PUM1: variants seen among roughly 807,000 people sequenced by gnomAD.
PUM1 encodes pumilio RNA binding family member 1, also known as pumilio homolog 1.
A neutral mutation model predicts 131.8 loss-of-function variants in PUM1; 13 were observed. The ratio of observed to expected loss-of-function variants is 0.10; its 90% CI spans 0.06 to 0.16. PUM1 has a LOEUF of 0.16. Among genes scored for constraint, PUM1 ranks in the 10% least tolerant of loss-of-function variants. PUM1 has a pLI of 1.00. For missense variants in PUM1, 961 were observed against 1,512.4 expected, an observed-to-expected ratio of 0.64 and a Z score of 6.05; for synonymous variants, 509 against 556.5, an observed-to-expected ratio of 0.91 and a Z score of 1.20.
intron 17 of PUM1, 59 bp downstream of exon 17, chr1:30,950,068 A>C: frequency 6.5e-7 from 1 of 1,544,556 alleles, no homozygotes; most frequent in Non-Finnish European, 8.8e-7. Flanking sequence ...TACAGGGTTC[A>C]CTACATGTAC....
At chr1:31,034,230 G>A (rs866539700) in intron 2 of PUM1, among the ~76,000 whole-genome samples, 5 of 152,178 alleles carry the variant, frequency 3.3e-5, no homozygotes, top group South Asian at 2.1e-4. Context: ...TCTTTACAAT[G>A]AACGTCCCTT....
chr1:31,023,996 A>T (rs1463041846), intron 3 of PUM1, among the ~76,000 whole-genome samples: 1 of 152,080 alleles, frequency 6.6e-6, no homozygotes, highest in Non-Finnish European at 1.5e-5. Flanking sequence ...AGTCAATCTA[A>T]AAGGATATCT....
intron 2 of PUM1, among the ~76,000 whole-genome samples, chr1:31,041,941 C>T (rs1643831085): frequency 6.6e-6 from 1 of 151,934 alleles, no homozygotes; most frequent in South Asian, 2.1e-4. Flanking sequence ...AATATTAGAA[C>T]ACTTCCAGGA....
chr1:31,039,839 C>CA (rs1414577464), intron 2 of PUM1, among the ~76,000 whole-genome samples: 7 of 151,962 alleles, frequency 4.6e-5, no homozygotes, highest in African/African-American at 1.7e-4. Flanking sequence ...GCAGAGGCTG[C>CA]AGTGAGACAG....
At chr1:31,035,196 A>AGCCCAGGCTGGTT (rs1197456476) in intron 2 of PUM1, among the ~76,000 whole-genome samples, 1 of 152,128 alleles carries the variant, frequency 6.6e-6, no homozygotes, top group Non-Finnish European at 1.5e-5. Flanking sequence ...GCCTGCGACC[A>AGCCCAGGCTGGTT]GCCTGGGCAA....
chr1:30,979,005 G>C (rs1433954471), intron 9 of PUM1, among the ~76,000 whole-genome samples: 1 of 151,896 alleles, frequency 6.6e-6, no homozygotes. Context: ...TCAGGAGGCT[G>C]ACGCAGGAGA....
At chr1:30,942,197 A>T (rs1226720553) in intron 18 of PUM1, 74 bp from the exon 19 acceptor site, 4 of 23,650 alleles carry the variant, frequency 1.7e-4, no homozygotes, top group Non-Finnish European at 2.2e-4. Flanking sequence ...TTGTTTATAT[A>T]TATATATATA....
In PUM1 at chr1:30,987,664, G is replaced by C. The variant is rs111490269; in HGVS notation, c.1158+4726C>G. ...ATTAAGAAGACAATGAAGTGAATTT[G>C]AGACAAAGGAAGAACATTTTAGAAA... On this transcript the variant is annotated intron_variant, in intron 7 of 21. Transcript: ENST00000426105. Among the ~76,000 whole-genome samples the C allele has an allele frequency of 7.5e-3, 1,139 of 152,316 alleles. 9 individuals carry two copies. The highest frequency in any genetic ancestry group is 0.011 in the Non-Finnish European group (766 of 68,026).
intron 2 of PUM1, among the ~76,000 whole-genome samples, chr1:31,046,370 G>A (rs964374608): frequency 1.3e-5 from 2 of 152,098 alleles, no homozygotes; most frequent in Admixed American, 1.3e-4. Context: ...TGGGCAACAA[G>A]AGTGAAACTC....
intron 17 of PUM1, among the ~76,000 whole-genome samples, chr1:30,947,205 A>AT (rs1354770811): frequency 1.3e-5 from 2 of 152,230 alleles, no homozygotes; most frequent in Non-Finnish European, 2.9e-5. Flanking sequence ...GTAAACCACT[A>AT]TATCAGTAAA....
At chr1:31,046,039 G>A (rs1219334577) in intron 2 of PUM1, among the ~76,000 whole-genome samples, 2 of 151,898 alleles carry the variant, frequency 1.3e-5, no homozygotes, top group African/African-American at 4.8e-5. Context: ...CCGAGATCGT[G>A]CCACTACACT....
Position 31,028,879 on chromosome 1 carries a change from A to G in PUM1, c.364-15T>C, listed in dbSNP as rs368270608. On this transcript the variant is annotated splice_polypyrimidine_tract_variant and intron_variant, in intron 2 of 21. Transcript: ENST00000426105. ...ATGGAACGCACCTATTGTTTAGAAT[A>G]GAGAAGGAAAAATCTTCAAGTCAGC... 1.9e-5 allele frequency: 31 copies of G among 1,606,292 alleles called. No individual in the cohort carries two copies. The highest frequency in any genetic ancestry group is 2.2e-5 in the Non-Finnish European group (26 of 1,173,338).
chr1:31,042,797 C>T (rs1466533913), intron 2 of PUM1, among the ~76,000 whole-genome samples: 1 of 152,234 alleles, frequency 6.6e-6, no homozygotes, highest in African/African-American at 2.4e-5. Context: ...CAGGGTCTCG[C>T]TCTGTTGCCC....
chr1:30,967,411 G>T, intron 11 of PUM1, 101 bp from the exon 12 acceptor site: 1 of 1,178,964 alleles, frequency 8.5e-7, no homozygotes. Context: ...CTTTGAGGTT[G>T]AATTGGCCAG....
At chr1:31,018,863 T>C (rs908931900) in intron 3 of PUM1, among the ~76,000 whole-genome samples, 4 of 151,924 alleles carry the variant, frequency 2.6e-5, no homozygotes, top group Non-Finnish European at 5.9e-5. Flanking sequence ...GTGGGGTACA[T>C]GAAGAAAAAG....
At chr1:31,047,604 G>C (rs1380963704) in intron 2 of PUM1, among the ~76,000 whole-genome samples, 1 of 152,232 alleles carries the variant, frequency 6.6e-6, no homozygotes, top group East Asian at 1.9e-4. Context: ...CAAAAGACAT[G>C]TGTGTCTTCT....
intron 2 of PUM1, among the ~76,000 whole-genome samples, chr1:31,033,978 T>C (rs1643523975): frequency 6.6e-6 from 1 of 152,170 alleles, no homozygotes; most frequent in Non-Finnish European, 1.5e-5. Flanking sequence ...CACAAAGGAA[T>C]TCTGAATTGT....
chr1:30,996,577 T>C (rs1641987367), intron 5 of PUM1, among the ~76,000 whole-genome samples: 1 of 152,094 alleles, frequency 6.6e-6, no homozygotes, highest in Non-Finnish European at 1.5e-5. Context: ...AGAACAAATA[T>C]GACAAGGAAC....
chr1:31,035,824 T>C (rs947553608), intron 2 of PUM1, among the ~76,000 whole-genome samples: 3 of 152,158 alleles, frequency 2.0e-5, no homozygotes, highest in African/African-American at 7.2e-5. Flanking sequence ...AAATCATTCT[T>C]TCCTAATTAC....
Sources: allele counts gnomAD v4.1 joint callset (sites outside exome capture counted in the v4.1 genomes callset), GRCh38; gene constraint gnomAD v4.1.1; transcripts MANE v1.5; gene names NCBI Gene and HGNC (gene_info 2026-07-23, HGNC 2026-07-21).